BBS9: variants seen among roughly 807,000 people sequenced by gnomAD.
BBS9 encodes protein PTHB1.
In BBS9, 89 loss-of-function variants were observed where a neutral mutation model predicts 117.7. The observed-to-expected ratio is 0.76, with a 90% CI of 0.64 to 0.90. BBS9 has a LOEUF of 0.90. BBS9 is among the 40% of genes least tolerant of loss of function. BBS9 has a pLI of 0.00. For synonymous variants in BBS9, 379 were observed against 370.9 expected (o/e 1.02, Z -0.25); for missense variants, 982 against 1,042.2 (o/e 0.94, Z 0.80).
chr7:33,273,969 A>G lies in BBS9; in HGVS notation c.1016+13A>G, dbSNP rs1800275981. On this transcript the variant is annotated intron_variant, in intron 9 of 22. Transcript: ENST00000242067. ...TGGGCTGTTTGCAGTAAGTGATTTAATTTAACACAGTTTTTAAAGAGGATG... is the reference window on the plus strand; with the variant it reads ...TGGGCTGTTTGCAGTAAGTGATTTAGTTTAACACAGTTTTTAAAGAGGATG... 2.5e-6 allele frequency: 4 copies of G among 1,613,344 alleles called. No individual in the cohort carries two copies. In the African/African-American group the frequency reaches 4.0e-5, roughly 16 times the overall value.
chr7:33,143,218 C>T (rs939445370), intron 1 of BBS9, among the ~76,000 whole-genome samples: 6 of 152,150 alleles, frequency 3.9e-5, no homozygotes, highest in Non-Finnish European at 8.8e-5. Context: ...ATCCACCCGC[C>T]TTGGCATCCC....
intron 14 of BBS9, 109 bp downstream of exon 14, chr7:33,351,432 G>A (rs1245838155): frequency 2.5e-6 from 2 of 805,070 alleles, no homozygotes; most frequent in Non-Finnish European, 4.4e-6. Context: ...ATGAGAAAAT[G>A]TTATTTTCTA....
chr7:33,129,362 G>A (rs1020786442), upstream of BBS9: 27 of 465,414 alleles, frequency 5.8e-5, no homozygotes, highest in Non-Finnish European at 9.9e-5. Flanking sequence ...ACAGGGCAGA[G>A]GATTGCAGTA....
At chr7:33,589,391 A>G (rs1861493905) in intron 21 of BBS9, among the ~76,000 whole-genome samples, 2 of 152,110 alleles carry the variant, frequency 1.3e-5, no homozygotes, top group Admixed American at 6.6e-5. Context: ...GGAATTTTTT[A>G]TTTAATATTT....
rs1278033935 is a variant in BBS9 at position 33,500,055 on chromosome 7, A to G, written c.2116-5408A>G. 2.3e-5 allele frequency among the ~76,000 whole-genome samples: 3 copies of G among 131,040 alleles called. No individual in the cohort carries two copies. The East Asian group carries it at 5.8e-4, about 25-fold the overall frequency. 86.0% of individuals were successfully genotyped at this position (131,040 alleles called of 152,430 possible). ...AAATAATAAAATTCTCTTTGTTAAG[A>G]AAAAAACCTTAGTATGTTAACTTCC... On this transcript the variant is annotated intron_variant, in intron 19 of 22. Transcript: ENST00000242067.
intron 5 of BBS9, among the ~76,000 whole-genome samples, chr7:33,199,987 C>T (rs1208357030): frequency 6.6e-6 from 1 of 152,024 alleles, no homozygotes; most frequent in Non-Finnish European, 1.5e-5. Flanking sequence ...ATTATTCTCC[C>T]TACTCTCTAA....
At chr7:33,544,180 C>T (rs1186637683) in intron 21 of BBS9, among the ~76,000 whole-genome samples, 1 of 152,156 alleles carries the variant, frequency 6.6e-6, no homozygotes, top group Non-Finnish European at 1.5e-5. Flanking sequence ...AATAACTAAC[C>T]TCCTGAATTC....
intron 21 of BBS9, among the ~76,000 whole-genome samples, chr7:33,596,385 ATCTATC>A (rs1862805439): frequency 1.3e-5 from 2 of 150,762 alleles, no homozygotes; most frequent in African/African-American, 2.4e-5. Flanking sequence ...CTATCTATCT[ATCTATC>A]TATATATAAT....
chr7:33,525,762 T>G (rs1224945188), intron 20 of BBS9, among the ~76,000 whole-genome samples: 244 of 128,090 alleles, frequency 1.9e-3, no homozygotes, highest in African/African-American at 5.0e-3. Context: ...AAAGTTAATA[T>G]TGTTATGTGT....
intron 1 of BBS9, among the ~76,000 whole-genome samples, chr7:33,144,491 T>C (rs748588534): frequency 1.3e-5 from 2 of 152,232 alleles, no homozygotes; most frequent in Non-Finnish European, 2.9e-5. Context: ...CTGATGCACA[T>C]GTTCCCAGCT....
chr7:33,202,816 C>G (rs1471851800), intron 5 of BBS9, among the ~76,000 whole-genome samples: 1 of 152,122 alleles, frequency 6.6e-6, no homozygotes, highest in Non-Finnish European at 1.5e-5. Flanking sequence ...GGGGGGAACA[C>G]AAGTCCAAAC....
intron 1 of BBS9, among the ~76,000 whole-genome samples, chr7:33,142,420 A>C (rs1791623487): frequency 6.6e-6 from 1 of 152,232 alleles, no homozygotes; most frequent in Non-Finnish European, 1.5e-5. Flanking sequence ...GTAAAAAACT[A>C]AAACTGTATA....
intron 5 of BBS9, among the ~76,000 whole-genome samples, chr7:33,206,457 G>C (rs1427441655): frequency 1.3e-5 from 2 of 151,938 alleles, no homozygotes; most frequent in African/African-American, 4.8e-5. Flanking sequence ...TTTTCTCTGA[G>C]GTTAAAAATA....
intron 21 of BBS9, among the ~76,000 whole-genome samples, chr7:33,571,840 A>T (rs1323495961): frequency 6.6e-6 from 1 of 152,078 alleles, no homozygotes; most frequent in East Asian, 1.9e-4. Context: ...TATGTAGTAC[A>T]TGTGATATTT....
At position 33,487,227 on chromosome 7, in the gene BBS9, T is replaced by G. The variant is rs115761872; in HGVS notation, c.2116-18236T>G. On this transcript the variant is annotated intron_variant, in intron 19 of 22. Coordinates refer to ENST00000242067, the MANE Select transcript of BBS9 (RefSeq NM_198428.3). Reference sequence around the variant, plus strand: ...CATTGTAATTCGTTGGTTTCTCCATTTTTTAAACTGTAATTTGTTCCAAAT... The same window carrying G: ...CATTGTAATTCGTTGGTTTCTCCATGTTTTAAACTGTAATTTGTTCCAAAT... Among the ~76,000 whole-genome samples, 581 of 152,314 alleles carry G rather than the reference T, an allele frequency of 3.8e-3. 3 individuals carry two copies. The highest frequency in any genetic ancestry group is 0.013 in the African/African-American group (535 of 41,578).
intron 19 of BBS9, among the ~76,000 whole-genome samples, chr7:33,426,453 A>G (rs1166750371): frequency 6.6e-6 from 1 of 152,198 alleles, no homozygotes; most frequent in African/African-American, 2.4e-5. Flanking sequence ...ATGGGAAAAT[A>G]TTAGCTAACC....
intron 19 of BBS9, among the ~76,000 whole-genome samples, chr7:33,458,971 T>C (rs1218040968): frequency 6.6e-6 from 1 of 152,122 alleles, no homozygotes; most frequent in Non-Finnish European, 1.5e-5. Context: ...GGACAGCTTT[T>C]GTGAAATGTG....
intron 9 of BBS9, among the ~76,000 whole-genome samples, chr7:33,311,748 C>T (rs1031904349): frequency 1.1e-4 from 17 of 151,688 alleles, no homozygotes; most frequent in Admixed American, 2.0e-4. Flanking sequence ...ACCTGAGAGG[C>T]GGAGGTTGCA....
At chr7:33,534,246 T>C in intron 21 of BBS9, 70 bp downstream of exon 21, 4 of 1,492,750 alleles carry the variant, frequency 2.7e-6, no homozygotes. Context: ...TGCCTGTGGT[T>C]GTATTTGGGG....
Sources: gnomAD v4.1 joint callset for allele counts (sites outside exome capture counted in the v4.1 genomes callset) on GRCh38, gnomAD v4.1.1 for gene constraint, MANE v1.5 for transcripts, NCBI Gene and HGNC (gene_info 2026-07-23, HGNC 2026-07-21) for gene names.